ZNF264: variants seen among roughly 807,000 people sequenced by gnomAD.
ZNF264 encodes the protein zinc finger protein 264.
ZNF264 carries 11 observed loss-of-function variants against 11.2 expected under a neutral mutation model. The ratio of observed to expected loss-of-function variants is 0.98; its 90% CI spans 0.62 to 1.63. The LOEUF is 1.63. ZNF264 is among the 40% of genes most tolerant of loss of function. The probability of loss-of-function intolerance (pLI) is 0.00; values close to 1 mark genes in which losing one functional copy is unlikely to be tolerated. For missense variants in ZNF264, 752 were observed against 768.1 expected (o/e 0.98, Z 0.25); for synonymous variants, 309 against 279.8 (o/e 1.10, Z -1.04).
At chr19:57,198,351 C>G (rs577020680) in intron 2 of ZNF264, among the ~76,000 whole-genome samples, 1 of 152,002 alleles carries the variant, frequency 6.6e-6, no homozygotes, top group Admixed American at 6.5e-5. Context: ...AATCACCACC[C>G]CTGCATCATT....
chr19:57,193,157 G>A lies in ZNF264; in HGVS notation c.34-718G>A, dbSNP rs752152734. 4.6e-5 allele frequency among the ~76,000 whole-genome samples: 7 copies of A among 152,150 alleles called. No individual in the cohort carries two copies. The East Asian group carries it at 9.6e-4, about 21-fold the overall frequency. ...AGTGTTGGAGTTACACTGTTAGACC[G>A]TGAATCATAGTAACCCCATGTTTAG... On this transcript the variant is annotated intron_variant, in intron 1 of 3. Transcript: ENST00000263095.
intron 2 of ZNF264, among the ~76,000 whole-genome samples, chr19:57,202,170 A>G (rs1196981263): frequency 6.6e-6 from 1 of 151,830 alleles, no homozygotes; most frequent in African/African-American, 2.4e-5. Flanking sequence ...TGATCACACC[A>G]CTGCACTCCA....
Position 57,213,317 on chromosome 19 carries a change from T to C in ZNF264, c.*336T>C. ...TTTCAAGGTAAAGAACCTTGACCCT[T>C]TATGTGCTTGTATGTACATTTATTG... is the stretch of plus-strand genomic sequence containing the variant. On this transcript the variant is annotated 3_prime_UTR_variant, in exon 4 of 4. Coordinates refer to ENST00000263095, the MANE Select transcript of ZNF264 (RefSeq NM_003417.5). 4.8e-6 allele frequency: 1 copy of C among 206,588 alleles called. No individual in the cohort carries two copies. Among genetic ancestry groups the C allele is most frequent in the South Asian group, 1.1e-4 (1 of 8,796 alleles). 12.8% of individuals were successfully genotyped at this position (206,588 alleles called of 1,614,324 possible).
intron 3 of ZNF264, among the ~76,000 whole-genome samples, chr19:57,206,689 CT>C (rs35368908): frequency 0.18 from 27,243 of 151,896 alleles, 2,884 homozygotes; most frequent in Non-Finnish European, 0.24. Flanking sequence ...TCCTTCTGAA[CT>C]CTAGGGAATA....
At chr19:57,205,590 CCT>C (rs945262988) in intron 3 of ZNF264, 98 bp downstream of exon 3, 1 of 1,070,168 alleles carries the variant, frequency 9.3e-7, no homozygotes, top group Non-Finnish European at 1.4e-6. Context: ...CTCATTGTGG[CCT>C]CTCTCTATAT....
In ZNF264 at chr19:57,211,929, C is replaced by G; in HGVS notation, c.832C>G (p.Gln278Glu). 1 of 1,613,644 alleles carries G rather than the reference C, an allele frequency of 6.2e-7. No homozygotes were observed. Among genetic ancestry groups the G allele is most frequent in the South Asian group, 1.1e-5 (1 of 91,038 alleles). ...CCGCAAGTCATACCTTACCCAGCAC[C>G]AGCGGATTCACAGTGGAGAGAAGCC... is the stretch of plus-strand genomic sequence containing the variant. ...FNRKSYLTQH[Q>E]RIHSGEKPYK... Residue 278 changes from glutamine (Q) to glutamate (E), a missense_variant, in exon 4 of 4, where the codon CAG becomes GAG. Coordinates refer to ENST00000263095, the MANE Select transcript of ZNF264 (RefSeq NM_003417.5).
At chr19:57,194,480 A>G (rs1030297736) in intron 2 of ZNF264, among the ~76,000 whole-genome samples, 1 of 152,228 alleles carries the variant, frequency 6.6e-6, no homozygotes, top group Non-Finnish European at 1.5e-5. Context: ...AAGTAGTAAT[A>G]ACTCATGATT....
intron 2 of ZNF264, among the ~76,000 whole-genome samples, chr19:57,196,959 G>A (rs573286628): frequency 6.6e-6 from 1 of 152,058 alleles, no homozygotes; most frequent in South Asian, 2.1e-4. Flanking sequence ...TCTGCCCACT[G>A]GGAAATTTCC....
intron 2 of ZNF264, among the ~76,000 whole-genome samples, chr19:57,198,734 G>A (rs543120615): frequency 6.6e-6 from 1 of 151,834 alleles, no homozygotes; most frequent in Non-Finnish European, 1.5e-5. Context: ...TGTAGTCCCC[G>A]AAATGTCTGA....
chr19:57,201,033 A>T, intron 2 of ZNF264, among the ~76,000 whole-genome samples: 1 of 152,034 alleles, frequency 6.6e-6, no homozygotes, highest in South Asian at 2.1e-4. Flanking sequence ...GGATCAAATT[A>T]TGGACATTGT....
chr19:57,203,231 C>T (rs1490245119), intron 2 of ZNF264, among the ~76,000 whole-genome samples: 1 of 151,986 alleles, frequency 6.6e-6, no homozygotes, highest in Non-Finnish European at 1.5e-5. Flanking sequence ...GCACTTGGCC[C>T]TGGGTTGATT....
chr19:57,205,772 A>G (rs1382940374), intron 3 of ZNF264, among the ~76,000 whole-genome samples: 1 of 152,204 alleles, frequency 6.6e-6, no homozygotes, highest in Non-Finnish European at 1.5e-5. Flanking sequence ...TGGGCCTGAA[A>G]TGTGGCTTGC....
chr19:57,192,471 C>T (rs1412077192), intron 1 of ZNF264: 23 of 985,334 alleles, frequency 2.3e-5, no homozygotes, highest in South Asian at 4.7e-5. Flanking sequence ...ATCGCTACAG[C>T]CTGCATTATC....
rs189828563 is a variant in ZNF264, at chr19:57,219,856, T to G, written c.*6875T>G. The G allele has an allele frequency of 6.6e-6, 1 of 152,384 alleles. No homozygotes were observed. Among genetic ancestry groups the G allele is most frequent in the Admixed American group, 6.5e-5 (1 of 15,304 alleles). 9.4% of individuals were successfully genotyped at this position (152,384 alleles called of 1,614,324 possible). ...GGCATCTTCTGCACTTTCTCTGCAT[T>G]TGTAAACACTGAGCCTGTATGCGTG... is the stretch of plus-strand genomic sequence containing the variant. On this transcript the variant is annotated 3_prime_UTR_variant, in exon 4 of 4. Coordinates refer to ENST00000263095, the MANE Select transcript of ZNF264 (RefSeq NM_003417.5).
chr19:57,194,342 C>T (rs774609551), intron 2 of ZNF264, among the ~76,000 whole-genome samples: 2 of 152,216 alleles, frequency 1.3e-5, no homozygotes, highest in African/African-American at 2.4e-5. Context: ...TGGGTCTGCT[C>T]ATGTCACGTC....
Position 57,215,701 on chromosome 19 carries a change from A to G in ZNF264, c.*2720A>G, listed in dbSNP as rs2087375520. ...CATATCACTATTGGTTTGATCCCAC[A>G]AGTTTTAATGTTTTCATTACATTTT... On this transcript the variant is annotated 3_prime_UTR_variant, in exon 4 of 4. Coordinates refer to ENST00000263095, the MANE Select transcript of ZNF264 (RefSeq NM_003417.5). 1 of 152,200 alleles carries G rather than the reference A, an allele frequency of 6.6e-6. No individual in the cohort carries two copies. Among genetic ancestry groups the G allele is most frequent in the Non-Finnish European group, 1.5e-5 (1 of 68,030 alleles). The allele number at this position is 152,200 out of a possible 1,614,324, so 9.4% of individuals were successfully genotyped here.
rs779629056 is a variant in ZNF264, at chr19:57,211,397, G to C, written c.300G>C (p.Glu100Asp). The change falls in exon 4 of 4, where the codon GAG becomes GAC. Residue 100 changes from glutamate to aspartate, a missense_variant. Transcript: ENST00000263095. ...AGACCACAGAACCTACCACTTGTGA[G>C]CCAGCCTTGTCAGAGGGAATCTCAC... ...KPKTTEPTTC[E>D]PALSEGISLQ... 7 of 1,613,926 alleles carry C rather than the reference G, an allele frequency of 4.3e-6. No homozygotes were observed. Among genetic ancestry groups the C allele is most frequent in the Admixed American group, 1.7e-5 (1 of 59,984 alleles).
Position 57,212,177 on chromosome 19 carries a change from G to A in ZNF264, c.1080G>A (p.Trp360Ter). 6.2e-7 allele frequency: 1 copy of A among 1,613,990 alleles called. No individual in the cohort carries two copies. Among genetic ancestry groups the A allele is most frequent in the Non-Finnish European group, 8.5e-7 (1 of 1,179,996 alleles). The change falls in exon 4 of 4, where the codon TGG becomes TGA. Residue 360 changes from tryptophan to a stop codon, truncating the protein, a stop_gained. Coordinates refer to ENST00000263095, the MANE Select transcript of ZNF264 (RefSeq NM_003417.5). LOFTEE classifies it low-confidence loss of function (END_TRUNC). Reference protein sequence around the residue: ...KVFKHRSYLMWHQQTHTGEKP... With the variant: ...KVFKHRSYLM ...TCAAACACAGGTCATATCTCATGTGGCACCAGCAGACTCATACCGGGGAGA... is the reference window on the plus strand; with the variant it reads ...TCAAACACAGGTCATATCTCATGTGACACCAGCAGACTCATACCGGGGAGA...
At position 57,212,108 on chromosome 19, in the gene ZNF264, C is replaced by T. The variant is rs751631166; in HGVS notation, c.1011C>T (p.His337=). Residue 337 remains histidine, a synonymous_variant, in exon 4 of 4, where the codon CAC becomes CAT. Transcript: ENST00000263095. ...GCTTTCTCCGGCACTATGTTGTCCA[C>T]AGTGGTGAGAATCCCTATGAGTGCT... ...RPGFLRHYVV[H]SGENPYECLE... 9.9e-6 allele frequency: 16 copies of T among 1,614,214 alleles called. No individual in the cohort carries two copies. In the South Asian group the frequency reaches 1.8e-4, roughly 18 times the overall value.
Sources: allele counts gnomAD v4.1 joint callset (sites outside exome capture counted in the v4.1 genomes callset), GRCh38; gene constraint gnomAD v4.1.1; transcripts MANE v1.5; gene names NCBI Gene and HGNC (gene_info 2026-07-23, HGNC 2026-07-21).